GPR39: variants seen among roughly 807,000 people sequenced by gnomAD.
The protein encoded by GPR39 is zinc sensing receptor.
In GPR39, 23 loss-of-function variants were observed where a neutral mutation model predicts 18.4. That is an observed-to-expected ratio of 1.25 (90% CI 0.90 to 1.77). The LOEUF (loss-of-function observed/expected upper bound fraction) is 1.77, where lower values mean the gene tolerates loss of function less well. Among genes scored for constraint, GPR39 ranks in the 40% most tolerant of loss-of-function variants. GPR39 has a pLI of 0.00. For synonymous variants in GPR39, 280 were observed against 257.9 expected (o/e 1.09, Z -0.82); for missense variants, 647 against 602.4 (o/e 1.07, Z -0.78).
intron 1 of GPR39, among the ~76,000 whole-genome samples, chr2:132,561,615 C>CAG (rs1680255577): frequency 7.1e-6 from 1 of 141,480 alleles, no homozygotes; most frequent in Non-Finnish European, 1.5e-5. Context: ...CACACACACA[C>CAG]AGATAAGGAA....
intron 1 of GPR39, among the ~76,000 whole-genome samples, chr2:132,527,927 T>C (rs1020819835): frequency 2.0e-5 from 3 of 152,188 alleles, no homozygotes; most frequent in African/African-American, 7.2e-5. Context: ...AGAAGCTCTT[T>C]AGTTTAATTA....
At chr2:132,505,573 T>C (rs1380058240) in intron 1 of GPR39, among the ~76,000 whole-genome samples, 1 of 152,170 alleles carries the variant, frequency 6.6e-6, no homozygotes, top group Non-Finnish European at 1.5e-5. Flanking sequence ...CCTTCCCAGC[T>C]CCTGGTATCT....
chr2:132,564,810 CTTTTTTTTTT>C (rs948881403), intron 1 of GPR39, among the ~76,000 whole-genome samples: 9 of 95,456 alleles, frequency 9.4e-5, no homozygotes, highest in African/African-American at 3.5e-4. Context: ...TTTCTTTTTT[CTTTTTTTTTT>C]TTTTTTTTTT....
chr2:132,447,673 T>C (rs1558801170), intron 1 of GPR39, among the ~76,000 whole-genome samples: 1 of 151,958 alleles, frequency 6.6e-6, no homozygotes, highest in Non-Finnish European at 1.5e-5. Context: ...CAAAAATATT[T>C]GTTTTTTAGC....
intron 1 of GPR39, among the ~76,000 whole-genome samples, chr2:132,642,609 G>A (rs1320192383): frequency 6.6e-6 from 1 of 152,208 alleles, no homozygotes; most frequent in Non-Finnish European, 1.5e-5. Context: ...CAGAAGAAAA[G>A]CAATGTTATC....
chr2:132,522,440 C>T (rs35332901), intron 1 of GPR39, among the ~76,000 whole-genome samples: 188 of 152,294 alleles, frequency 1.2e-3, no homozygotes, highest in Non-Finnish European at 2.3e-3. Flanking sequence ...TGAACAATAA[C>T]AAAAGCCAAA....
intron 1 of GPR39, among the ~76,000 whole-genome samples, chr2:132,528,242 A>T (rs1679547763): frequency 6.6e-6 from 1 of 152,000 alleles, no homozygotes; most frequent in African/African-American, 2.4e-5. Context: ...ATGGTTGTGG[A>T]TATGTGGTGT....
chr2:132,502,787 G>A (rs1001894703), intron 1 of GPR39, among the ~76,000 whole-genome samples: 6 of 152,118 alleles, frequency 3.9e-5, no homozygotes, highest in Non-Finnish European at 8.8e-5. Context: ...CTTTGTCTTT[G>A]ATGCATTGGG....
chr2:132,582,592 C>T (rs940644821), intron 1 of GPR39, among the ~76,000 whole-genome samples: 5 of 152,028 alleles, frequency 3.3e-5, no homozygotes, highest in East Asian at 1.9e-4. Flanking sequence ...GGATTCTTAG[C>T]GGAGTAAGGT....
At chr2:132,533,640 C>T (rs1010107089) in intron 1 of GPR39, among the ~76,000 whole-genome samples, 4 of 151,990 alleles carry the variant, frequency 2.6e-5, no homozygotes, top group Non-Finnish European at 5.9e-5. Flanking sequence ...ACTGGTACCA[C>T]AACAGAGATA....
chr2:132,524,378 C>CT (rs1302023501), intron 1 of GPR39, among the ~76,000 whole-genome samples: 4 of 152,076 alleles, frequency 2.6e-5, no homozygotes, highest in African/African-American at 9.7e-5. Context: ...GACACCTGTG[C>CT]CCTCCTTCCC....
intron 1 of GPR39, among the ~76,000 whole-genome samples, chr2:132,463,492 T>C (rs1189424592): frequency 6.6e-6 from 1 of 150,964 alleles, no homozygotes; most frequent in Non-Finnish European, 1.5e-5. Flanking sequence ...TCTTTCCTCC[T>C]GTCAAGAAAG....
chr2:132,472,398 T>C (rs1185795238), intron 1 of GPR39, among the ~76,000 whole-genome samples: 4 of 152,178 alleles, frequency 2.6e-5, no homozygotes, highest in Admixed American at 6.5e-5. Context: ...CAGAAGTTGA[T>C]ATCTGCACCA....
At chr2:132,444,390 A>G (rs1436505126) in intron 1 of GPR39, among the ~76,000 whole-genome samples, 1 of 152,064 alleles carries the variant, frequency 6.6e-6, no homozygotes, top group Non-Finnish European at 1.5e-5. Flanking sequence ...TCTTGGGCTC[A>G]AGCCGTCTTC....
intron 1 of GPR39, among the ~76,000 whole-genome samples, chr2:132,629,384 A>G (rs1681608012): frequency 6.6e-6 from 1 of 152,244 alleles, no homozygotes; most frequent in African/African-American, 2.4e-5. Flanking sequence ...GAAGGTGCCC[A>G]GGCATGACTG....
chr2:132,464,891 C>G (rs1680899925), intron 1 of GPR39, among the ~76,000 whole-genome samples: 1 of 152,120 alleles, frequency 6.6e-6, no homozygotes, highest in African/African-American at 2.4e-5. Flanking sequence ...AGATGGGAGC[C>G]AATTCCCAGG....
At chr2:132,633,627 T>C (rs1681692332) in intron 1 of GPR39, among the ~76,000 whole-genome samples, 2 of 151,840 alleles carry the variant, frequency 1.3e-5, no homozygotes, top group Admixed American at 1.3e-4. Flanking sequence ...CCTCTAGGAG[T>C]GGTCTTGGTG....
chr2:132,589,550 G>A (rs545470461), intron 1 of GPR39, among the ~76,000 whole-genome samples: 76 of 152,300 alleles, frequency 5.0e-4, no homozygotes, highest in East Asian at 7.7e-4. Flanking sequence ...AGGCAGAGCC[G>A]AGATCTCCTG....
At chr2:132,595,278 A>G (rs1573688123) in intron 1 of GPR39, among the ~76,000 whole-genome samples, 2 of 152,134 alleles carry the variant, frequency 1.3e-5, no homozygotes, top group African/African-American at 2.4e-5. Context: ...CTGGGATTAT[A>G]GGTGTGAGCC....
Sources: gnomAD v4.1 joint callset for allele counts (sites outside exome capture counted in the v4.1 genomes callset) on GRCh38, gnomAD v4.1.1 for gene constraint, MANE v1.5 for transcripts, NCBI Gene and HGNC (gene_info 2026-07-23, HGNC 2026-07-21) for gene names.